DMD: variants seen among roughly 807,000 people sequenced by gnomAD.
DMD encodes mutant dystrophin.
A neutral mutation model predicts 330.1 loss-of-function variants in DMD; 63 were observed. The observed-to-expected ratio is 0.19, with a 90% CI of 0.16 to 0.24. DMD has a LOEUF of 0.24. Among genes scored for constraint, DMD ranks in the 10% least tolerant of loss-of-function variants. The pLI is 1.00. For missense variants in DMD, 3,344 were observed against 2,684.1 expected, an observed-to-expected ratio of 1.25 and a Z score of -5.43; for synonymous variants, 1,223 against 959.8, an observed-to-expected ratio of 1.27 and a Z score of -5.07.
At chrX:31,245,645 C>T (rs890140942) in intron 63 of DMD, among the ~76,000 whole-genome samples, 4 of 111,886 alleles carry the variant, frequency 3.6e-5, no homozygotes, top group African/African-American at 1.3e-4. Context: ...AAAATTCCCT[C>T]AATATTTCAA....
At chrX:31,712,092 G>A (rs1020936740) in intron 52 of DMD, among the ~76,000 whole-genome samples, 5 of 111,358 alleles carry the variant, frequency 4.5e-5, no homozygotes, top group African/African-American at 1.6e-4. Context: ...ACAAAAAACT[G>A]GAATTCTCTG....
At chrX:32,804,551 A>G (rs2076815293) in intron 7 of DMD, among the ~76,000 whole-genome samples, 1 of 112,657 alleles carries the variant, frequency 8.9e-6, no homozygotes, top group South Asian at 3.7e-4. Flanking sequence ...GTGCAGCATC[A>G]GCAGACTAAA....
intron 34 of DMD, among the ~76,000 whole-genome samples, chrX:32,372,581 C>T (rs1317181994): frequency 3.6e-5 from 4 of 111,524 alleles, no homozygotes; most frequent in Non-Finnish European, 5.7e-5. Context: ...TGATAAATAT[C>T]ACTGTGATGG....
intron 56 of DMD, among the ~76,000 whole-genome samples, chrX:31,505,095 T>C (rs2070794214): frequency 8.9e-6 from 1 of 112,392 alleles, no homozygotes; most frequent in African/African-American, 3.2e-5. Context: ...GGAACAATTA[T>C]AGCATCTTTC....
At chrX:31,953,726 C>T (rs2095213601) in intron 45 of DMD, among the ~76,000 whole-genome samples, 1 of 111,589 alleles carries the variant, frequency 9.0e-6, no homozygotes, top group Non-Finnish European at 1.9e-5. Flanking sequence ...TTACCTCTTA[C>T]TCTTACAACA....
chrX:32,222,073 A>G (rs1278668616), intron 43 of DMD, among the ~76,000 whole-genome samples: 2 of 112,079 alleles, frequency 1.8e-5, no homozygotes, highest in East Asian at 2.8e-4. Context: ...TCTTTTTGAT[A>G]TAATGAATTC....
intron 2 of DMD, among the ~76,000 whole-genome samples, chrX:32,945,032 C>T (rs1257344938): frequency 9.0e-6 from 1 of 111,308 alleles, no homozygotes; most frequent in African/African-American, 3.3e-5. Flanking sequence ...ATTCTTGTCA[C>T]ATCCAATGTC....
intron 60 of DMD, among the ~76,000 whole-genome samples, chrX:31,392,426 G>A (rs745482149): frequency 8.9e-6 from 1 of 112,146 alleles, no homozygotes; most frequent in East Asian, 2.8e-4. Context: ...CCCTTTACTA[G>A]AAGTTAAAGC....
intron 18 of DMD, among the ~76,000 whole-genome samples, chrX:32,509,189 T>A (rs1409801210): frequency 8.1e-5 from 7 of 86,296 alleles, no homozygotes; most frequent in African/African-American, 1.2e-4. Flanking sequence ...TAAAAAGTGT[T>A]AAAAAAAAAA....
intron 9 of DMD, among the ~76,000 whole-genome samples, chrX:32,674,245 A>T (rs1436708993): frequency 9.0e-6 from 1 of 111,701 alleles, no homozygotes; most frequent in Non-Finnish European, 1.9e-5. Context: ...ACTGGACATC[A>T]AATTTTTTCA....
intron 51 of DMD, among the ~76,000 whole-genome samples, chrX:31,763,281 C>T (rs1284856300): frequency 8.9e-6 from 1 of 112,503 alleles, no homozygotes; most frequent in East Asian, 2.8e-4. Context: ...TACATATTGG[C>T]AGCCGGGCAC....
intron 47 of DMD, among the ~76,000 whole-genome samples, chrX:31,897,581 C>T (rs2094359317): frequency 1.1e-5 from 1 of 89,640 alleles, no homozygotes; most frequent in South Asian, 6.0e-4. Context: ...CTCTCCAGCA[C>T]CTGTTGTTTC....
chrX:32,903,144 C>CAAAAAA lies in DMD; in HGVS notation c.94-53330_94-53325dup, dbSNP rs34973696. ...TGGGCGACAGAGTGAGACTCAGTCT[C>CAAAAAA]AAAAAAAAAAAAAAAAAAAAAGAAA... On this transcript the variant is annotated intron_variant, in intron 2 of 78. Coordinates refer to ENST00000357033, the MANE Select transcript of DMD (RefSeq NM_004006.3). Among the ~76,000 whole-genome samples, 174 of 32,931 alleles carry CAAAAAA rather than the reference C, an allele frequency of 5.3e-3. 8 individuals carry two copies. Among genetic ancestry groups the CAAAAAA allele is most frequent in the East Asian group, 0.015 (11 of 733 alleles). 28.6% of individuals were successfully genotyped at this position (32,931 alleles called of 115,157 possible).
intron 49 of DMD, among the ~76,000 whole-genome samples, chrX:31,829,435 C>G (rs12396349): frequency 0.12 from 12,703 of 102,810 alleles, 567 homozygotes; most frequent in South Asian, 0.19. Flanking sequence ...TACAATTATA[C>G]ACATATAAAA....
intron 61 of DMD, among the ~76,000 whole-genome samples, chrX:31,329,543 G>C (rs1299406056): frequency 9.0e-6 from 1 of 111,617 alleles, no homozygotes; most frequent in Non-Finnish European, 1.9e-5. Flanking sequence ...ACAGGGCAGG[G>C]GAAACGAGAA....
At chrX:33,037,888 T>G (rs1401261379) in intron 1 of DMD, among the ~76,000 whole-genome samples, 1 of 112,169 alleles carries the variant, frequency 8.9e-6, no homozygotes, top group Non-Finnish European at 1.9e-5. Context: ...AGAAACCATT[T>G]TGATTTAACA....
intron 44 of DMD, among the ~76,000 whole-genome samples, chrX:32,014,875 C>A (rs1338727882): frequency 8.9e-6 from 1 of 111,994 alleles, no homozygotes; most frequent in Non-Finnish European, 1.9e-5. Context: ...CATATTAGTA[C>A]TACTAAGCAT....
chrX:32,369,100 A>T (rs746000548), intron 34 of DMD, among the ~76,000 whole-genome samples: 64 of 111,491 alleles, frequency 5.7e-4, no homozygotes, highest in Non-Finnish European at 1.0e-3. Flanking sequence ...GTAAAATCCA[A>T]TTAAACTATA....
intron 44 of DMD, among the ~76,000 whole-genome samples, chrX:32,051,681 A>G (rs779387217): frequency 5.2e-4 from 58 of 111,067 alleles, no homozygotes; most frequent in Non-Finnish European, 9.8e-4. Flanking sequence ...GTGAACTAAG[A>G]TAACTAAAAT....
Sources: gnomAD v4.1 joint callset for allele counts (sites outside exome capture counted in the v4.1 genomes callset) on GRCh38, gnomAD v4.1.1 for gene constraint, MANE v1.5 for transcripts, NCBI Gene and HGNC (gene_info 2026-07-23, HGNC 2026-07-21) for gene names.